The following TENM1 variants were observed in gnomAD, a reference collection of about 807,000 sequenced individuals.
TENM1 encodes the protein teneurin transmembrane protein 1.
In TENM1, 35 loss-of-function variants were observed where a neutral mutation model predicts 174.8. The observed-to-expected ratio is 0.20, with a 90% CI of 0.15 to 0.27. TENM1 has a LOEUF of 0.27. Ranked by LOEUF, TENM1 falls within the 10% of genes least tolerant of loss-of-function variation. TENM1 has a pLI of 1.00. For missense variants in TENM1, 1,633 were observed against 2,130.1 expected (o/e 0.77, Z 4.59); for synonymous variants, 781 against 798.7 (o/e 0.98, Z 0.37).
intron 11 of TENM1, among the ~76,000 whole-genome samples, chrX:124,611,022 G>A (rs2050266354): frequency 9.0e-6 from 1 of 110,748 alleles, no homozygotes; most frequent in African/African-American, 3.3e-5. Flanking sequence ...TGGCTTGATG[G>A]GACACTTGGA....
chrX:124,928,022 A>G (rs1403774513), intron 1 of TENM1, among the ~76,000 whole-genome samples: 6 of 112,050 alleles, frequency 5.4e-5, no homozygotes, highest in African/African-American at 1.9e-4. Flanking sequence ...TGTAAATATG[A>G]TCAATTTTAT....
At chrX:124,667,744 T>C (rs2051808292) in intron 6 of TENM1, among the ~76,000 whole-genome samples, 1 of 111,370 alleles carries the variant, frequency 9.0e-6, no homozygotes, top group African/African-American at 3.3e-5. Context: ...TATCTGCTTA[T>C]TGAAATTCTA....
chrX:124,405,325 A>G (rs1342176130), intron 26 of TENM1, 59 bp from the exon 30 acceptor site: 7 of 1,014,922 alleles, frequency 6.9e-6, no homozygotes, highest in Non-Finnish European at 9.5e-6. Flanking sequence ...AGGAAGCAGA[A>G]AAGAGACAGG....
At chrX:124,487,159 T>A (rs1356999581) in intron 21 of TENM1, 50 bp downstream of exon 24, 1 of 1,119,460 alleles carries the variant, frequency 8.9e-7, no homozygotes, top group Non-Finnish European at 1.2e-6. Context: ...CAGGAGGTAG[T>A]CTCATAGGCA....
chrX:124,584,474 C>G (rs1877573229), intron 11 of TENM1, among the ~76,000 whole-genome samples: 1 of 107,565 alleles, frequency 9.3e-6, no homozygotes, highest in South Asian at 4.2e-4. Flanking sequence ...ACTTTACAGA[C>G]AAGCAAATGC....
At chrX:124,716,237 A>T (rs2053179068) in intron 4 of TENM1, among the ~76,000 whole-genome samples, 1 of 112,059 alleles carries the variant, frequency 8.9e-6, no homozygotes, top group Non-Finnish European at 1.9e-5. Context: ...CTCAAAATAA[A>T]ACAGCCAGAA....
intron 11 of TENM1, among the ~76,000 whole-genome samples, chrX:124,608,197 T>C (rs2050203386): frequency 9.0e-6 from 1 of 111,523 alleles, no homozygotes. Flanking sequence ...GAGAACATTG[T>C]CTTTAGTTTT....
At chrX:124,949,440 T>A (rs1281637460) in intron 1 of TENM1, among the ~76,000 whole-genome samples, 1 of 111,706 alleles carries the variant, frequency 9.0e-6, no homozygotes, top group Non-Finnish European at 1.9e-5. Flanking sequence ...AAGTTTACAG[T>A]CTAGGTGGAG....
chrX:124,951,143 C>T (rs2058476281), intron 1 of TENM1, among the ~76,000 whole-genome samples: 1 of 111,648 alleles, frequency 9.0e-6, no homozygotes. Context: ...CTTATTAGTA[C>T]AGTGCAGCCA....
intron 15 of TENM1, among the ~76,000 whole-genome samples, chrX:124,538,687 A>G (rs2048256492): frequency 8.9e-6 from 1 of 111,832 alleles, no homozygotes; most frequent in Non-Finnish European, 1.9e-5. Flanking sequence ...GCTAAACGCA[A>G]GGCATATGGA....
intron 5 of TENM1, among the ~76,000 whole-genome samples, chrX:124,690,499 G>A (rs985023278): frequency 1.4e-3 from 151 of 108,712 alleles, no homozygotes; most frequent in African/African-American, 4.9e-3. Context: ...GTGTGTGTGT[G>A]TGTGTGTGTG....
intron 11 of TENM1, among the ~76,000 whole-genome samples, chrX:124,588,249 T>C (rs1200649479): frequency 1.8e-5 from 2 of 111,436 alleles, no homozygotes; most frequent in Non-Finnish European, 3.8e-5. Context: ...CACGTATGTT[T>C]ATTGTGGCAC....
intron 3 of TENM1, among the ~76,000 whole-genome samples, chrX:124,805,552 T>C (rs1474541225): frequency 3.5e-5 from 4 of 112,991 alleles, no homozygotes; most frequent in African/African-American, 6.4e-5. Context: ...TGGGAAAGCA[T>C]AGCCCTTGTG....
chrX:124,760,308 A>T (rs181343076), intron 3 of TENM1, among the ~76,000 whole-genome samples: 120 of 111,948 alleles, frequency 1.1e-3, no homozygotes, highest in Non-Finnish European at 1.8e-3. Context: ...ACTAAAGAGA[A>T]TGTTCTGCAA....
the TENM1 span, among the ~76,000 whole-genome samples, chrX:125,155,317 C>T: frequency 2.7e-5 from 3 of 111,777 alleles, no homozygotes; most frequent in African/African-American, 6.5e-5. Flanking sequence ...GAGCTAGATA[C>T]GGAGTGCCTA....
chrX:124,676,257 A>AATATAT lies in TENM1; in HGVS notation c.1016-4428_1016-4423dup, dbSNP rs56962688. Among the ~76,000 whole-genome samples, 13 of 22,955 alleles carry AATATAT rather than the reference A, an allele frequency of 5.7e-4. 1 individual carries two copies. The highest frequency in any genetic ancestry group is 1.0e-3 in the East Asian group (1 of 981). The allele number at this position is 22,955 out of a possible 115,157, so 19.9% of individuals were successfully genotyped here. A position where few individuals can be genotyped will look rare whatever the true frequency, so the allele number is the denominator to read the frequency against. ...TTACTGTTCCCTAAGACATATATAA[A>AATATAT]ATATATATATATATATATATATATA... On this transcript the variant is annotated intron_variant, in intron 5 of 31. Coordinates refer to ENST00000422452, the Ensembl canonical transcript of TENM1.
At chrX:124,679,538 T>G (rs2052181125) in intron 5 of TENM1, among the ~76,000 whole-genome samples, 1 of 112,189 alleles carries the variant, frequency 8.9e-6, no homozygotes, top group Non-Finnish European at 1.9e-5. Context: ...AAATAAATGC[T>G]ACTTGAATTA....
chrX:124,776,389 C>T (rs1172878563), intron 3 of TENM1, among the ~76,000 whole-genome samples: 1 of 111,430 alleles, frequency 9.0e-6, no homozygotes, highest in African/African-American at 3.3e-5. Flanking sequence ...GAAGTATAAT[C>T]AGAATACTGG....
At chrX:125,127,010 G>A in the TENM1 span, among the ~76,000 whole-genome samples, 2 of 111,421 alleles carry the variant, frequency 1.8e-5, no homozygotes, top group African/African-American at 6.5e-5. Flanking sequence ...GAAGAAAGCC[G>A]AATGTAATAT....
Sources: allele counts gnomAD v4.1 joint callset (sites outside exome capture counted in the v4.1 genomes callset), GRCh38; gene constraint gnomAD v4.1.1; transcripts MANE v1.5; gene names NCBI Gene and HGNC (gene_info 2026-07-23, HGNC 2026-07-21).